Variants in WDR33 observed in about 807,000 individuals in gnomAD.
WDR33 encodes the protein pre-mRNA 3' end processing protein WDR33.
WDR33 carries 47 observed loss-of-function variants against 164.9 expected under a neutral mutation model. The observed-to-expected ratio is 0.29, with a 90% CI of 0.23 to 0.36. The LOEUF is 0.36. Ranked by LOEUF, WDR33 falls within the 10% of genes least tolerant of loss-of-function variation. WDR33 has a pLI of 1.00. For missense variants in WDR33, 1,137 were observed against 1,754.1 expected (o/e 0.65, Z 6.28); for synonymous variants, 505 against 589.0 (o/e 0.86, Z 2.06).
Position 127,735,737 on chromosome 2 carries a change from A to C in WDR33, c.725-8960T>G, listed in dbSNP as rs533521966. ...GATACTCCAGTTGGACAGAGGATTT[A>C]AGATTTTAAAAAATTAAGAAGCATA... On this transcript the variant is annotated intron_variant, in intron 7 of 21. Coordinates refer to ENST00000322313, the MANE Select transcript of WDR33 (RefSeq NM_018383.5). This position sits in a 1 kb window ranked among gnomAD's most constrained non-coding sequence, Gnocchi z 4.3. The C allele has an allele frequency of 4.1e-6, 4 of 985,570 alleles. No individual in the cohort carries two copies. The South Asian group carries it at 1.9e-4, about 46-fold the overall frequency. The allele number at this position is 985,570 out of a possible 1,614,324, so 61.1% of individuals were successfully genotyped here.
At position 127,701,595 on chromosome 2, in the gene WDR33, G is replaced by A. The variant is rs755838654; in HGVS notation, c.*4728C>T. On this transcript the variant is annotated 3_prime_UTR_variant, in exon 22 of 22. Transcript: ENST00000322313. ...GGGGAAAGCTGGCGGCCCGGCGGCC[G>A]CGGAGCCGCTGCTCGCCGCGGAGAA... The A allele has an allele frequency of 1.0e-5, 14 of 1,353,434 alleles. No homozygotes were observed. Among genetic ancestry groups the A allele is most frequent in the Admixed American group, 3.5e-5 (1 of 28,756 alleles). 83.8% of individuals were successfully genotyped at this position (1,353,434 alleles called of 1,614,324 possible). A position where few individuals can be genotyped will look rare whatever the true frequency, so the allele number is the denominator to read the frequency against.
rs1222221612 is a variant in WDR33 at position 127,721,893 on chromosome 2, T to C, written c.1614A>G (p.Gln538=). Residue 538 remains glutamine, a synonymous_variant, in exon 15 of 22, where the codon CAA becomes CAG. Coordinates refer to ENST00000322313, the MANE Select transcript of WDR33 (RefSeq NM_018383.5). The surrounding 1 kb of genome is among the most constrained non-coding windows in gnomAD (Gnocchi z 4.9). The stretch of plus-strand genomic sequence containing the variant: ...TAGCCATTTCTTGCTCAATTTCTGC[T>C]TGTGTTTTTTTCTTCTCTTCCAATT... ...DIKLEEKKKT[Q]AEIEQEMATL... is the part of the protein sequence containing the mutation. 3.7e-6 allele frequency: 6 copies of C among 1,614,094 alleles called. No homozygotes were observed. Among genetic ancestry groups the C allele is most frequent in the Non-Finnish European group, 5.1e-6 (6 of 1,180,014 alleles).
intron 7 of WDR33, among the ~76,000 whole-genome samples, chr2:127,748,116 T>C (rs1044582712): frequency 3.9e-5 from 6 of 152,230 alleles, no homozygotes; most frequent in African/African-American, 1.4e-4. Context: ...CTATAAGATC[T>C]GTTGATACCC....
At position 127,720,408 on chromosome 2, in the gene WDR33, G is replaced by A; in HGVS notation, c.1672-55C>T. On this transcript the variant is annotated intron_variant, in intron 15 of 21. Transcript: ENST00000322313. The surrounding 1 kb of genome is among the most constrained non-coding windows in gnomAD (Gnocchi z 5.9). ...GAATAAACAGGCCAGAGCCCTTGAA[G>A]ATGACAATATTGCTATCATGTATTC... The A allele has an allele frequency of 6.7e-7, 1 of 1,483,248 alleles. No homozygotes were observed. 91.9% of individuals were successfully genotyped at this position (1,483,248 alleles called of 1,614,324 possible).
intron 1 of WDR33, among the ~76,000 whole-genome samples, chr2:127,796,943 C>A (rs1019057383): frequency 6.6e-6 from 1 of 151,956 alleles, no homozygotes; most frequent in Non-Finnish European, 1.5e-5. Flanking sequence ...TCCTCATTAG[C>A]CCCAGATTCT....
At chr2:127,754,583 ATTTTTTTTTT>A (rs764744041) in intron 7 of WDR33, among the ~76,000 whole-genome samples, 1 of 118,964 alleles carries the variant, frequency 8.4e-6, no homozygotes, top group Admixed American at 8.7e-5. Context: ...CATGTTTTTC[ATTTTTTTTTT>A]TTTTTTTTTT....
intron 1 of WDR33, among the ~76,000 whole-genome samples, chr2:127,798,169 A>G (rs939828417): frequency 1.3e-5 from 2 of 151,306 alleles, no homozygotes; most frequent in Non-Finnish European, 2.9e-5. Context: ...GGAGTTCAAG[A>G]CCAGCCTGGC....
intron 1 of WDR33, among the ~76,000 whole-genome samples, chr2:127,810,518 A>T (rs1689614012): frequency 6.6e-6 from 1 of 152,232 alleles, no homozygotes. Context: ...ATTCCAAAAA[A>T]GCAGGGCTTT....
At position 127,704,924 on chromosome 2, in the gene WDR33, C is replaced by T. The variant is rs1298242690; in HGVS notation, c.*1399G>A. ...ACAAAGTGGTGAAACTCCATCTCTA[C>T]AAAAAACACACACACAAAAAATTAG... On this transcript the variant is annotated 3_prime_UTR_variant, in exon 22 of 22. Coordinates refer to ENST00000322313, the MANE Select transcript of WDR33 (RefSeq NM_018383.5). The T allele has an allele frequency of 1.3e-5, 2 of 158,432 alleles. No individual in the cohort carries two copies. Among genetic ancestry groups the T allele is most frequent in the African/African-American group, 4.8e-5 (2 of 41,404 alleles). 9.8% of individuals were successfully genotyped at this position (158,432 alleles called of 1,614,324 possible).
intron 7 of WDR33, among the ~76,000 whole-genome samples, chr2:127,731,354 G>C (rs959360822): frequency 1.3e-5 from 2 of 150,242 alleles, no homozygotes; most frequent in Non-Finnish European, 3.0e-5. Flanking sequence ...GTGGCACTCA[G>C]TGTTAATAAG....
At chr2:127,781,005 C>T (rs1157149894) in intron 1 of WDR33, among the ~76,000 whole-genome samples, 3 of 152,088 alleles carry the variant, frequency 2.0e-5, no homozygotes, top group Non-Finnish European at 2.9e-5. Context: ...GGACTACAAG[C>T]GTGCCCCACC....
rs775992562 is a variant in WDR33, at chr2:127,701,568, C to G, written c.*4755G>C. 1.0e-4 allele frequency: 138 copies of G among 1,366,910 alleles called. 1 individual carries two copies. In the East Asian group the frequency reaches 4.0e-3, roughly 39 times the overall value. 84.7% of individuals were successfully genotyped at this position (1,366,910 alleles called of 1,614,324 possible). On this transcript the variant is annotated 3_prime_UTR_variant, in exon 22 of 22. Coordinates refer to ENST00000322313, the MANE Select transcript of WDR33 (RefSeq NM_018383.5). ...CCGCCAGCTGCAGGAGTACCTGGCG[C>G]AGGGGAAAGCTGGCGGCCCGGCGGC...
intron 1 of WDR33, among the ~76,000 whole-genome samples, chr2:127,805,311 G>C (rs1689397305): frequency 1.3e-5 from 2 of 151,292 alleles, no homozygotes; most frequent in African/African-American, 4.9e-5. Context: ...TGAACTCCTG[G>C]GCTCTAGCAA....
Position 127,771,078 on chromosome 2 carries a change from C to A in WDR33, c.-23-74G>T, listed in dbSNP as rs1214687753. On this transcript the variant is annotated intron_variant, in intron 1 of 21. Transcript: ENST00000322313. ...CTGCCTGAAAACATTTTTAAATGAACACTTTTTACATTTCTTTTCCCTTAT... is the reference window on the plus strand; with the variant it reads ...CTGCCTGAAAACATTTTTAAATGAAAACTTTTTACATTTCTTTTCCCTTAT... 2.7e-6 allele frequency: 3 copies of A among 1,108,720 alleles called. 1 individual carries two copies. The allele number at this position is 1,108,720 out of a possible 1,614,324, so 68.7% of individuals were successfully genotyped here.
At chr2:127,756,374 C>G in intron 7 of WDR33, among the ~76,000 whole-genome samples, 1 of 147,168 alleles carries the variant, frequency 6.8e-6, no homozygotes, top group South Asian at 2.2e-4. Context: ...AAAAAAATTA[C>G]TATGAAAAAA....
intron 1 of WDR33, among the ~76,000 whole-genome samples, chr2:127,799,338 A>T (rs1001432646): frequency 2.0e-5 from 3 of 152,100 alleles, no homozygotes; most frequent in Admixed American, 6.6e-5. Context: ...AAAAAAAGTT[A>T]AAAAAAGGAA....
chr2:127,738,934 A>C lies in WDR33; in HGVS notation c.725-12157T>G, dbSNP rs987015267. On this transcript the variant is annotated intron_variant, in intron 7 of 21. Transcript: ENST00000322313. The surrounding 1 kb of genome is among the most constrained non-coding windows in gnomAD (Gnocchi z 4.4). Reference sequence around the variant, plus strand: ...GGAAAAGTTTTGAATCTAGCATTCAATATCCAACCAGTCCCGTTATAAATG... The same window carrying C: ...GGAAAAGTTTTGAATCTAGCATTCACTATCCAACCAGTCCCGTTATAAATG... Among the ~76,000 whole-genome samples, 1 of 152,228 alleles carries C rather than the reference A, an allele frequency of 6.6e-6. No homozygotes were observed. Among genetic ancestry groups the C allele is most frequent in the African/African-American group, 2.4e-5 (1 of 41,462 alleles).
intron 8 of WDR33, among the ~76,000 whole-genome samples, chr2:127,725,877 T>C (rs973911375): frequency 2.0e-5 from 3 of 152,160 alleles, no homozygotes; most frequent in African/African-American, 4.8e-5. Flanking sequence ...TCATTACATT[T>C]TGAAACTTCC....
At position 127,708,597 on chromosome 2, in the gene WDR33, A is replaced by G. The variant is rs1210769554; in HGVS notation, c.3781+80T>C. The stretch of plus-strand genomic sequence containing the variant: ...GTGCCTCTGCACAGCCCAGGCTGCA[A>G]GGGCATGTGCAGCAGATACAGGCAA... On this transcript the variant is annotated intron_variant, in intron 21 of 21. Transcript: ENST00000322313. The surrounding 1 kb of genome is among the most constrained non-coding windows in gnomAD (Gnocchi z 6.7). The G allele has an allele frequency of 4.9e-6, 7 of 1,428,564 alleles. No individual in the cohort carries two copies. Among genetic ancestry groups the G allele is most frequent in the Non-Finnish European group, 6.6e-6 (7 of 1,056,452 alleles). 88.5% of individuals were successfully genotyped at this position (1,428,564 alleles called of 1,614,324 possible).
Sources: gnomAD v4.1 joint callset for allele counts (sites outside exome capture counted in the v4.1 genomes callset) on GRCh38, gnomAD v4.1.1 for gene constraint, Gnocchi (gnomAD v3.1) non-coding constraint, MANE v1.5 for transcripts, NCBI Gene and HGNC (gene_info 2026-07-23, HGNC 2026-07-21) for gene names.